DDAH1: variants seen among roughly 807,000 people sequenced by gnomAD.
DDAH1 encodes the protein N(G),N(G)-dimethylarginine dimethylaminohydrolase 1.
A neutral mutation model predicts 28.8 loss-of-function variants in DDAH1; 19 were observed. The observed-to-expected ratio is 0.66, with a 90% confidence interval of 0.46 to 0.97. DDAH1 has a LOEUF of 0.97. DDAH1 is among the 50% of genes least tolerant of loss of function. The pLI is 0.00. For synonymous variants in DDAH1, 153 were observed against 154.4 expected (o/e 0.99, Z 0.07); for missense variants, 326 against 375.9 (o/e 0.87, Z 1.10).
chr1:85,525,131 T>TG (rs1464672642), intron 1 of DDAH1, among the ~76,000 whole-genome samples: 3 of 151,240 alleles, frequency 2.0e-5, no homozygotes, highest in Non-Finnish European at 4.4e-5. Flanking sequence ...TCACAGGCTA[T>TG]GGGCTGATGT....
At chr1:85,378,449 C>T (rs1303575614) in intron 1 of DDAH1, among the ~76,000 whole-genome samples, 1 of 152,118 alleles carries the variant, frequency 6.6e-6, no homozygotes, top group East Asian at 1.9e-4. Flanking sequence ...TGCTTTGCCA[C>T]CCAGGCTGGA....
chr1:85,485,745 C>G (rs1039286862), intron 2 of DDAH1, among the ~76,000 whole-genome samples: 1 of 152,166 alleles, frequency 6.6e-6, no homozygotes. Flanking sequence ...ATCCGTAGGA[C>G]AATTAAAGTC....
intron 1 of DDAH1, among the ~76,000 whole-genome samples, chr1:85,387,060 T>C (rs2100546356): frequency 6.6e-6 from 1 of 152,288 alleles, no homozygotes; most frequent in Non-Finnish European, 1.5e-5. Flanking sequence ...CTCCTAGGTC[T>C]CTGGGTCTGT....
intron 3 of DDAH1, among the ~76,000 whole-genome samples, chr1:85,351,016 T>TA (rs927975090): frequency 4.0e-5 from 6 of 149,634 alleles, no homozygotes; most frequent in African/African-American, 7.3e-5. Flanking sequence ...GATTCCAATC[T>TA]AAAAAAAATC....
At chr1:85,354,732 A>T (rs1649400285) in intron 2 of DDAH1, among the ~76,000 whole-genome samples, 1 of 152,076 alleles carries the variant, frequency 6.6e-6, no homozygotes, top group Admixed American at 6.6e-5. Flanking sequence ...CAAAACATTT[A>T]AAAAAACTAA....
chr1:85,542,648 A>C (rs1658504655), intron 1 of DDAH1, among the ~76,000 whole-genome samples: 1 of 152,224 alleles, frequency 6.6e-6, no homozygotes, highest in East Asian at 1.9e-4. Flanking sequence ...GTTTATAAAA[A>C]GCTACCCACA....
intron 1 of DDAH1, among the ~76,000 whole-genome samples, chr1:85,527,274 G>C (rs1196323790): frequency 6.6e-6 from 1 of 152,194 alleles, no homozygotes; most frequent in Non-Finnish European, 1.5e-5. Flanking sequence ...TTTCAGAGGA[G>C]AGGAGAGGCA....
At chr1:85,331,610 A>C (rs1647772577) in intron 4 of DDAH1, among the ~76,000 whole-genome samples, 1 of 152,184 alleles carries the variant, frequency 6.6e-6, no homozygotes. Context: ...GCCTGACAAC[A>C]TACCAGCATC....
chr1:85,349,813 ATCT>A (rs1649094688), intron 4 of DDAH1, among the ~76,000 whole-genome samples: 1 of 152,336 alleles, frequency 6.6e-6, no homozygotes, highest in South Asian at 2.1e-4. Context: ...ACAGAAGGTC[ATCT>A]TCTTTATCAA....
chr1:85,430,175 T>C (rs1401281939), intron 1 of DDAH1, among the ~76,000 whole-genome samples: 1 of 152,224 alleles, frequency 6.6e-6, no homozygotes, highest in African/African-American at 2.4e-5. Flanking sequence ...TCATTGCTTG[T>C]TTTTGTCAGG....
At chr1:85,353,892 A>G (rs762174144) in intron 2 of DDAH1, among the ~76,000 whole-genome samples, 3 of 152,116 alleles carry the variant, frequency 2.0e-5, no homozygotes, top group Non-Finnish European at 4.4e-5. Flanking sequence ...CATGCATACC[A>G]TTTCCATTTT....
intron 1 of DDAH1, among the ~76,000 whole-genome samples, chr1:85,445,447 T>C (rs1354021014): frequency 6.6e-6 from 1 of 152,178 alleles, no homozygotes; most frequent in Non-Finnish European, 1.5e-5. Flanking sequence ...TTAGAAATCT[T>C]GACAAATGTG....
At chr1:85,327,953 T>G (rs1045161699) in intron 4 of DDAH1, among the ~76,000 whole-genome samples, 2 of 152,214 alleles carry the variant, frequency 1.3e-5, no homozygotes, top group East Asian at 1.9e-4. Context: ...TCCTTTCACC[T>G]TTTTAAACGC....
chr1:85,478,868 G>T (rs983090635), intron 2 of DDAH1, among the ~76,000 whole-genome samples: 1 of 152,146 alleles, frequency 6.6e-6, no homozygotes, highest in Non-Finnish European at 1.5e-5. Context: ...TAAAGAATGG[G>T]TTGTTAATAT....
chr1:85,553,783 G>A (rs1451566438), intron 1 of DDAH1, among the ~76,000 whole-genome samples: 4 of 152,206 alleles, frequency 2.6e-5, no homozygotes, highest in African/African-American at 9.7e-5. Context: ...GGGCCACTAA[G>A]GGGTCACAGG....
At chr1:85,332,286 G>A (rs1403486900) in intron 4 of DDAH1, among the ~76,000 whole-genome samples, 3 of 152,116 alleles carry the variant, frequency 2.0e-5, no homozygotes, top group African/African-American at 7.2e-5. Context: ...ACAGTAGAGT[G>A]GCAGGGTCTC....
At chr1:85,504,435 G>A (rs1656934175) in intron 1 of DDAH1, among the ~76,000 whole-genome samples, 2 of 152,010 alleles carry the variant, frequency 1.3e-5, no homozygotes, top group African/African-American at 4.8e-5. Context: ...AAATCTCCTG[G>A]GTCACTCTCC....
chr1:85,373,506 T>C (rs980324033), intron 1 of DDAH1, among the ~76,000 whole-genome samples: 18 of 152,232 alleles, frequency 1.2e-4, no homozygotes, highest in African/African-American at 4.3e-4. Context: ...TCACGAGATC[T>C]GATGGTTTTA....
intron 1 of DDAH1, among the ~76,000 whole-genome samples, chr1:85,367,554 A>C (rs552199313): frequency 1.3e-5 from 2 of 152,320 alleles, no homozygotes; most frequent in African/African-American, 4.8e-5. Flanking sequence ...CATTGTGCTA[A>C]GTGATTTTGC....
Sources: gnomAD v4.1 joint callset for allele counts (sites outside exome capture counted in the v4.1 genomes callset) on GRCh38, gnomAD v4.1.1 for gene constraint, MANE v1.5 for transcripts, NCBI Gene and HGNC (gene_info 2026-07-23, HGNC 2026-07-21) for gene names.